Variants in CDH12 observed in about 807,000 individuals in gnomAD.
CDH12 encodes the protein cadherin-12.
In CDH12, 41 loss-of-function variants were observed where a neutral mutation model predicts 74.1. The ratio of observed to expected loss-of-function variants is 0.55; its 90% CI spans 0.43 to 0.72. The LOEUF is 0.72. CDH12 is among the 30% of genes least tolerant of loss of function. The pLI, the probability that CDH12 is intolerant of heterozygous loss-of-function variation, is 0.00. For missense variants in CDH12, 945 were observed against 977.2 expected, an observed-to-expected ratio of 0.97 and a Z score of 0.44; for synonymous variants, 399 against 355.0, an observed-to-expected ratio of 1.12 and a Z score of -1.39.
chr5:22,500,483 C>A (rs929907), intron 2 of CDH12, among the ~76,000 whole-genome samples: 59,179 of 151,928 alleles, frequency 0.39, 11,880 homozygotes, highest in Non-Finnish European at 0.44. Flanking sequence ...ATAAGCATTT[C>A]CATATAATTT....
intron 1 of CDH12, among the ~76,000 whole-genome samples, chr5:22,809,313 A>G (rs1184038524): frequency 6.6e-6 from 1 of 152,030 alleles, no homozygotes; most frequent in African/African-American, 2.4e-5. Context: ...AGACAAAAGT[A>G]TATTTTTACT....
intron 6 of CDH12, among the ~76,000 whole-genome samples, chr5:21,873,610 G>A (rs1751764101): frequency 6.6e-6 from 1 of 151,358 alleles, no homozygotes; most frequent in South Asian, 2.1e-4. Flanking sequence ...CCTCTTTTAT[G>A]TGCTATTTTT....
At chr5:22,417,089 A>G (rs1338679007) in intron 2 of CDH12, among the ~76,000 whole-genome samples, 2 of 152,190 alleles carry the variant, frequency 1.3e-5, no homozygotes, top group African/African-American at 2.4e-5. Context: ...TTATTTACCA[A>G]TTAGATATTA....
chr5:22,153,889 A>AAAAAT (rs1554015746), intron 4 of CDH12, among the ~76,000 whole-genome samples: 907 of 42,066 alleles, frequency 0.022, 23 homozygotes, highest in African/African-American at 0.055. Context: ...TATATATATA[A>AAAAAT]ATATATATAT....
chr5:21,818,628 G>A (rs1748196616), intron 8 of CDH12, among the ~76,000 whole-genome samples: 1 of 151,670 alleles, frequency 6.6e-6, no homozygotes, highest in Non-Finnish European at 1.5e-5. Context: ...TATGTGATTT[G>A]GTCTCAAGAG....
chr5:22,039,944 C>T (rs920915824), intron 5 of CDH12, among the ~76,000 whole-genome samples: 1 of 151,418 alleles, frequency 6.6e-6, no homozygotes, highest in African/African-American at 2.4e-5. Context: ...CAAGAGAACA[C>T]AAGAACCCTC....
At chr5:22,219,576 CAG>C (rs1191346202) in intron 3 of CDH12, among the ~76,000 whole-genome samples, 1 of 151,744 alleles carries the variant, frequency 6.6e-6, no homozygotes. Context: ...TGCAGTAATA[CAG>C]AGTTTTAACA....
chr5:21,787,811 C>T (rs2149903244), intron 10 of CDH12, among the ~76,000 whole-genome samples: 1 of 152,284 alleles, frequency 6.6e-6, no homozygotes, highest in African/African-American at 2.4e-5. Flanking sequence ...TTAAGGCACA[C>T]CAAAAGGTCA....
intron 6 of CDH12, chr5:21,884,376 C>A (rs1317593009): frequency 4.0e-6 from 4 of 994,168 alleles, no homozygotes; most frequent in East Asian, 2.4e-5. Flanking sequence ...CAGTGTTCCT[C>A]ACCAATAACT....
At chr5:22,761,461 A>C (rs1009048881) in intron 1 of CDH12, among the ~76,000 whole-genome samples, 3 of 152,194 alleles carry the variant, frequency 2.0e-5, no homozygotes, top group Non-Finnish European at 4.4e-5. Flanking sequence ...AGTTTTCATA[A>C]TCACAAGTAA....
In CDH12 at chr5:21,970,839, C is replaced by CAAAAAAAAAAAAAAAAAA. The variant is rs1167373938; in HGVS notation, c.526+4234_526+4251dup. Among the ~76,000 whole-genome samples the CAAAAAAAAAAAAAAAAAA allele has an allele frequency of 7.6e-4, 21 of 27,792 alleles. 1 individual carries two copies. Among genetic ancestry groups the CAAAAAAAAAAAAAAAAAA allele is most frequent in the East Asian group, 4.4e-3 (2 of 458 alleles). 18.2% of individuals were successfully genotyped at this position (27,792 alleles called of 152,430 possible). A position where few individuals can be genotyped will look rare whatever the true frequency, so the allele number is the denominator to read the frequency against. ...TGGGCAATAGAGCAAGACTCTTTCTCAAAAAAAAAAAAAAAAAAAAAAAAA... is the reference window on the plus strand; with the variant it reads ...TGGGCAATAGAGCAAGACTCTTTCTCAAAAAAAAAAAAAAAAAAAAAAAAAAAAAAAAAAAAAAAAAAA... On this transcript the variant is annotated intron_variant, in intron 6 of 14. Coordinates refer to ENST00000382254, the MANE Select transcript of CDH12 (RefSeq NM_004061.5).
chr5:22,111,186 C>T (rs754438835), intron 4 of CDH12, among the ~76,000 whole-genome samples: 2 of 152,046 alleles, frequency 1.3e-5, no homozygotes, highest in Non-Finnish European at 2.9e-5. Context: ...ATTGCCCTTT[C>T]CTGTGATCTC....
At chr5:22,335,465 G>A (rs1739537298) in intron 3 of CDH12, among the ~76,000 whole-genome samples, 2 of 152,042 alleles carry the variant, frequency 1.3e-5, no homozygotes, top group South Asian at 4.1e-4. Flanking sequence ...GGCAACTGTA[G>A]TCCCAGCTAC....
intron 3 of CDH12, among the ~76,000 whole-genome samples, chr5:22,235,600 C>T (rs1752534654): frequency 6.6e-6 from 1 of 151,482 alleles, no homozygotes; most frequent in South Asian, 2.1e-4. Flanking sequence ...AATCAGAAAA[C>T]CAAAACAAAA....
chr5:21,982,065 C>T (rs1757329067), intron 5 of CDH12, among the ~76,000 whole-genome samples: 1 of 152,108 alleles, frequency 6.6e-6, no homozygotes, highest in Non-Finnish European at 1.5e-5. Context: ...AAGCATTATC[C>T]TGGGTGTGCC....
intron 1 of CDH12, among the ~76,000 whole-genome samples, chr5:22,607,386 C>A (rs1384182751): frequency 6.6e-6 from 1 of 152,150 alleles, no homozygotes; most frequent in Non-Finnish European, 1.5e-5. Context: ...TTTAATTGGA[C>A]TTACAGTTCC....
chr5:22,648,239 T>C (rs1249322140), intron 1 of CDH12, among the ~76,000 whole-genome samples: 2 of 151,918 alleles, frequency 1.3e-5, no homozygotes, highest in African/African-American at 4.8e-5. Flanking sequence ...CAAGTCTTCA[T>C]ACAGTGATTG....
intron 1 of CDH12, among the ~76,000 whole-genome samples, chr5:22,716,309 T>C (rs2126982253): frequency 6.6e-6 from 1 of 152,238 alleles, no homozygotes; most frequent in Middle Eastern, 3.4e-3. Context: ...ATACTGCATC[T>C]GGATATTTCC....
chr5:22,560,888 A>G (rs901959629), intron 1 of CDH12, among the ~76,000 whole-genome samples: 2 of 152,168 alleles, frequency 1.3e-5, no homozygotes, highest in Non-Finnish European at 2.9e-5. Flanking sequence ...CTAGAGTAGA[A>G]TGCTATTTTG....
Sources: gnomAD v4.1 joint callset for allele counts (sites outside exome capture counted in the v4.1 genomes callset) on GRCh38, gnomAD v4.1.1 for gene constraint, MANE v1.5 for transcripts, NCBI Gene and HGNC (gene_info 2026-07-23, HGNC 2026-07-21) for gene names.